Variants in PCDHGA7 observed in about 807,000 individuals in gnomAD.
PCDHGA7 encodes protocadherin gamma-A7.
A neutral mutation model predicts 58.3 loss-of-function variants in PCDHGA7; 44 were observed. That is an observed-to-expected ratio of 0.75 (90% CI 0.59 to 0.97). PCDHGA7 has a LOEUF of 0.97. Ranked by LOEUF, PCDHGA7 falls within the 50% of genes least tolerant of loss-of-function variation. The pLI is 0.00. For synonymous variants in PCDHGA7, 516 were observed against 504.2 expected, an observed-to-expected ratio of 1.02 and a Z score of -0.31; for missense variants, 1,266 against 1,188.7, an observed-to-expected ratio of 1.06 and a Z score of -0.96.
intron 1 of PCDHGA7, among the ~76,000 whole-genome samples, chr5:141,452,947 G>C (rs2098752833): frequency 6.6e-6 from 1 of 152,144 alleles, no homozygotes; most frequent in Non-Finnish European, 1.5e-5. Flanking sequence ...GCTTGCAATT[G>C]GTTGTCTTTA....
chr5:141,468,360 A>T (rs1249822461), intron 1 of PCDHGA7: 1 of 151,938 alleles, frequency 6.6e-6, no homozygotes, highest in East Asian at 1.9e-4. Flanking sequence ...GAAAGAAAAA[A>T]GAAATAACTC....
chr5:141,422,795 A>G lies in PCDHGA7; in HGVS notation c.2424+37472A>G, dbSNP rs543001807. ...CTCTATGCCCTACAATCCTTCGACTATGAGCAGTTTCGAGACTTAGAACTG... is the reference window on the plus strand; with the variant it reads ...CTCTATGCCCTACAATCCTTCGACTGTGAGCAGTTTCGAGACTTAGAACTG... On this transcript the variant is annotated intron_variant, in intron 1 of 3. Transcript: ENST00000518325. 14 of 1,614,198 alleles carry G rather than the reference A, an allele frequency of 8.7e-6. No homozygotes were observed. In the East Asian group the frequency reaches 1.8e-4, roughly 21 times the overall value.
Position 141,476,974 on chromosome 5 carries a change from C to G in PCDHGA7, c.2425-17833C>G. 1 of 1,614,268 alleles carries G rather than the reference C, an allele frequency of 6.2e-7. No homozygotes were observed. The highest frequency in any genetic ancestry group is 1.3e-5 in the African/African-American group (1 of 75,080). On this transcript the variant is annotated intron_variant, in intron 1 of 3. Coordinates refer to ENST00000518325, the MANE Select transcript of PCDHGA7 (RefSeq NM_018920.4). This position sits in a 1 kb window ranked among gnomAD's most constrained non-coding sequence, Gnocchi z 7.6. ...AAATTATTTACTCCTTCGGCAGCCA[C>G]AACCGCGCCGGCGTGCGGCAACTAT...
chr5:141,480,371 C>T (rs1562080299), intron 1 of PCDHGA7, among the ~76,000 whole-genome samples: 1 of 151,908 alleles, frequency 6.6e-6, no homozygotes, highest in African/African-American at 2.4e-5. Flanking sequence ...GCTGTGATTG[C>T]ACCACTACAC....
chr5:141,460,454 T>A (rs1010186960), intron 1 of PCDHGA7, among the ~76,000 whole-genome samples: 6 of 152,194 alleles, frequency 3.9e-5, no homozygotes, highest in Admixed American at 3.3e-4. Flanking sequence ...TGAAGATTCA[T>A]ATTTTTTTCC....
intron 1 of PCDHGA7, chr5:141,415,030 G>A (rs374572942): frequency 1.2e-6 from 2 of 1,613,460 alleles, no homozygotes; most frequent in African/African-American, 2.7e-5. Flanking sequence ...CAGCGAGCCG[G>A]GACTCTTCGC....
At position 141,476,749 on chromosome 5, in the gene PCDHGA7, G is replaced by C; in HGVS notation, c.2425-18058G>C. On this transcript the variant is annotated intron_variant, in intron 1 of 3. Transcript: ENST00000518325. The surrounding 1 kb of genome is among the most constrained non-coding windows in gnomAD (Gnocchi z 7.6). ...ACCGAGAACGGGAGCCTAGTCTCCA[G>C]TTAGTGCTGACGGCGTTGGACGGAG... is the stretch of plus-strand genomic sequence containing the variant. 1.9e-6 allele frequency: 3 copies of C among 1,614,042 alleles called. No homozygotes were observed. The highest frequency in any genetic ancestry group is 2.5e-6 in the Non-Finnish European group (3 of 1,180,038).
At chr5:141,496,693 C>T (rs2099770546) in intron 2 of PCDHGA7, among the ~76,000 whole-genome samples, 1 of 152,164 alleles carries the variant, frequency 6.6e-6, no homozygotes, top group South Asian at 2.1e-4. Context: ...CCTTGCCAAC[C>T]TTCTCATAAG....
chr5:141,419,996 C>G, intron 1 of PCDHGA7: 1 of 1,614,084 alleles, frequency 6.2e-7, no homozygotes, highest in Non-Finnish European at 8.5e-7. Context: ...AGCTATTGCT[C>G]TACGCCTGCG....
In PCDHGA7 at chr5:141,477,696, A is replaced by T. The variant is rs778604051; in HGVS notation, c.2425-17111A>T. The T allele has an allele frequency of 2.1e-5, 34 of 1,614,054 alleles. No individual in the cohort carries two copies. Among genetic ancestry groups the T allele is most frequent in the Non-Finnish European group, 2.9e-5 (34 of 1,180,044 alleles). On this transcript the variant is annotated intron_variant, in intron 1 of 3. Transcript: ENST00000518325. This position sits in a 1 kb window ranked among gnomAD's most constrained non-coding sequence, Gnocchi z 4.9. ...GTGTCATCCTTAGTGCCCCTAGACT[A>T]TGAGGATCGGCGGGAATTTGAATTA...
Position 141,485,519 on chromosome 5 carries a change from A to T in PCDHGA7, c.2425-9288A>T. ...GTTTGTCACCGAAGGTCCTTTGGAA[A>T]TGTACCGAGCAGAGGTAGAGATCGT... On this transcript the variant is annotated intron_variant, in intron 1 of 3. Transcript: ENST00000518325. The surrounding 1 kb of genome is among the most constrained non-coding windows in gnomAD (Gnocchi z 5.7). The T allele has an allele frequency of 6.2e-7, 1 of 1,614,150 alleles. No individual in the cohort carries two copies. The highest frequency in any genetic ancestry group is 8.5e-7 in the Non-Finnish European group (1 of 1,180,018).
At chr5:141,417,982 G>A (rs756382601) in intron 1 of PCDHGA7, 4 of 1,613,886 alleles carry the variant, frequency 2.5e-6, no homozygotes, top group Admixed American at 3.3e-5. Flanking sequence ...CGGAGGAGCT[G>A]GCCAAGGGCT....
chr5:141,410,779 T>C, intron 1 of PCDHGA7: 4 of 947,572 alleles, frequency 4.2e-6, no homozygotes, highest in Non-Finnish European at 6.0e-6. Flanking sequence ...TTTCACTATG[T>C]ATTTGGTTCA....
chr5:141,461,040 G>A (rs536064886), intron 1 of PCDHGA7, among the ~76,000 whole-genome samples: 123 of 150,514 alleles, frequency 8.2e-4, no homozygotes, highest in East Asian at 2.5e-3. Flanking sequence ...CTCATTAGTC[G>A]ATGGGGACTT....
Position 141,391,341 on chromosome 5 carries a change from CTCTG to C in PCDHGA7, c.2424+6024_2424+6027del, listed in dbSNP as rs1256271403. Reference sequence around the variant, plus strand: ...TCTTTTTTTTTTTTTGAGACAGAGTCTCTGTCTGTTACTCAGGCTGTAGTGCAGT... The same window carrying C: ...TCTTTTTTTTTTTTTGAGACAGAGTCTCTGTTACTCAGGCTGTAGTGCAGT... On this transcript the variant is annotated intron_variant, in intron 1 of 3. Transcript: ENST00000518325. 2.1e-5 allele frequency: 3 copies of C among 145,162 alleles called. No individual in the cohort carries two copies. In the South Asian group the frequency reaches 6.5e-4, roughly 32 times the overall value. The allele number at this position is 145,162 out of a possible 1,614,324, so 9.0% of individuals were successfully genotyped here.
Position 141,490,162 on chromosome 5 carries a change from A to C in PCDHGA7, c.2425-4645A>C. ...TGGGGCAATCCATGTGTTGGGTCCC[A>C]TAGACTTTGAGGAGTCACGTTTCTA... On this transcript the variant is annotated intron_variant, in intron 1 of 3. Coordinates refer to ENST00000518325, the MANE Select transcript of PCDHGA7 (RefSeq NM_018920.4). The surrounding 1 kb of genome is among the most constrained non-coding windows in gnomAD (Gnocchi z 5.4). The C allele has an allele frequency of 6.2e-7, 1 of 1,614,218 alleles. No individual in the cohort carries two copies. The highest frequency in any genetic ancestry group is 8.5e-7 in the Non-Finnish European group (1 of 1,180,028).
chr5:141,422,342 TG>T, intron 1 of PCDHGA7: 1 of 1,551,514 alleles, frequency 6.4e-7, no homozygotes. Context: ...CTTCTAAATG[TG>T]CAAGATCAAG....
chr5:141,430,151 A>T (rs774490087), intron 1 of PCDHGA7, among the ~76,000 whole-genome samples: 8 of 152,166 alleles, frequency 5.3e-5, no homozygotes, highest in Non-Finnish European at 8.8e-5. Flanking sequence ...GGATCATTCA[A>T]GGAATCTATT....
In PCDHGA7 at chr5:141,383,703, C is replaced by A; in HGVS notation, c.804C>A (p.Asp268Glu). Residue 268 changes from aspartate (D) to glutamate (E), a missense_variant, in exon 1 of 4, where the codon GAC (aspartate) becomes GAA (glutamate). Asp to Glu is a conservative substitution (Grantham distance 45, BLOSUM62 2). Transcript: ENST00000518325. ...GACTGCTCACGGTACATGCTATCGA[C>A]CTGGACGAGGGAGTCAATGGGGAAG... ...GTRLLTVHAIDLDEGVNGEVT... is the reference protein window; with the variant it reads ...GTRLLTVHAIELDEGVNGEVT... 4 of 1,613,964 alleles carry A rather than the reference C, an allele frequency of 2.5e-6. No homozygotes were observed. The highest frequency in any genetic ancestry group is 3.4e-6 in the Non-Finnish European group (4 of 1,179,860).
Sources: allele counts gnomAD v4.1 joint callset (sites outside exome capture counted in the v4.1 genomes callset), GRCh38; gene constraint gnomAD v4.1.1; non-coding constraint Gnocchi (gnomAD v3.1); transcripts MANE v1.5; gene names NCBI Gene and HGNC (gene_info 2026-07-23, HGNC 2026-07-21).